Variants in ZNF66 observed in about 807,000 individuals in gnomAD.
ZNF66 encodes zinc finger protein 66.
In ZNF66, 32 loss-of-function variants were observed where a neutral mutation model predicts 35.2. The ratio of observed to expected loss-of-function variants is 0.91; its 90% confidence interval spans 0.69 to 1.22. The LOEUF is 1.22. Ranked by LOEUF, ZNF66 falls within the 50% of genes most tolerant of loss-of-function variation. The pLI is 0.00. For synonymous variants in ZNF66, 231 were observed against 181.3 expected, an observed-to-expected ratio of 1.27 and a Z score of -2.20; for missense variants, 666 against 543.1, an observed-to-expected ratio of 1.23 and a Z score of -2.25.
At chr19:20,779,813 A>G (rs1245823506) in intron 1 of ZNF66, among the ~76,000 whole-genome samples, 3 of 151,566 alleles carry the variant, frequency 2.0e-5, no homozygotes, top group Non-Finnish European at 4.4e-5. Flanking sequence ...CTGTAATCCC[A>G]TCTACTCGGG....
chr19:20,804,362 G>A (rs879435418), intron 3 of ZNF66, among the ~76,000 whole-genome samples: 1 of 151,996 alleles, frequency 6.6e-6, no homozygotes, highest in African/African-American at 2.4e-5. Flanking sequence ...TCTTGCCTCA[G>A]CCTCCTCAGT....
intron 3 of ZNF66, among the ~76,000 whole-genome samples, chr19:20,796,744 T>A (rs989109378): frequency 6.6e-6 from 1 of 152,246 alleles, no homozygotes; most frequent in Non-Finnish European, 1.5e-5. Flanking sequence ...TTTATAATTA[T>A]ACTGCATATT....
In ZNF66 at chr19:20,797,173, CA is replaced by C. The variant is rs539360705; in HGVS notation, c.226+3297del. On this transcript the variant is annotated intron_variant, in intron 3 of 3. Coordinates refer to ENST00000344519, the MANE Select transcript of ZNF66 (RefSeq NM_001355197.2). ...GCCTGACAATTTTTTAATAATGCATCAATGTTGCATGCTAGATTTTTTTTTT... is the reference window on the plus strand; with the variant it reads ...GCCTGACAATTTTTTAATAATGCATCATGTTGCATGCTAGATTTTTTTTTT... Among the ~76,000 whole-genome samples, 10 of 130,570 alleles carry C rather than the reference CA, an allele frequency of 7.7e-5. No homozygotes were observed. The South Asian group carries it at 2.7e-3, about 35-fold the overall frequency. The allele number at this position is 130,570 out of a possible 152,430, so 85.7% of individuals were successfully genotyped here. A position where few individuals can be genotyped will look rare whatever the true frequency, so the allele number is the denominator to read the frequency against.
intron 3 of ZNF66, among the ~76,000 whole-genome samples, chr19:20,803,463 G>A (rs1250049223): frequency 6.6e-6 from 1 of 151,562 alleles, no homozygotes; most frequent in African/African-American, 2.4e-5. Flanking sequence ...ATCAACTTCA[G>A]TTTCATACAA....
At chr19:20,801,305 A>G (rs1971445406) in intron 3 of ZNF66, among the ~76,000 whole-genome samples, 1 of 149,664 alleles carries the variant, frequency 6.7e-6, no homozygotes, top group Admixed American at 6.6e-5. Flanking sequence ...TCTTTTTTTA[A>G]TATTTTCATT....
chr19:20,793,146 T>G (rs1971354904), intron 2 of ZNF66, among the ~76,000 whole-genome samples: 1 of 151,806 alleles, frequency 6.6e-6, no homozygotes, highest in Non-Finnish European at 1.5e-5. Context: ...ATTTCTGAGG[T>G]GAGTTATATT....
chr19:20,790,785 C>T (rs1449134800), intron 1 of ZNF66, among the ~76,000 whole-genome samples: 6 of 147,698 alleles, frequency 4.1e-5, no homozygotes, highest in African/African-American at 1.0e-4. Flanking sequence ...AAACATGCCT[C>T]AGCTGAAAAG....
intron 1 of ZNF66, among the ~76,000 whole-genome samples, chr19:20,791,821 C>T (rs1293409897): frequency 6.6e-6 from 1 of 152,116 alleles, no homozygotes; most frequent in Non-Finnish European, 1.5e-5. Flanking sequence ...TTAAATAGGT[C>T]TCTGACAGAC....
intron 1 of ZNF66, among the ~76,000 whole-genome samples, chr19:20,786,597 A>T (rs1202895174): frequency 1.3e-5 from 2 of 152,208 alleles, no homozygotes; most frequent in African/African-American, 4.8e-5. Context: ...AAAAACTTTT[A>T]TCTGAAAAAT....
At chr19:20,796,721 T>C (rs379662) in intron 3 of ZNF66, among the ~76,000 whole-genome samples, 14,183 of 152,270 alleles carry the variant, frequency 0.093, 680 homozygotes, top group Middle Eastern at 0.11. Context: ...AAGTTTCTCA[T>C]TAGAATCTTC....
chr19:20,784,142 C>T (rs1241163322), intron 1 of ZNF66, among the ~76,000 whole-genome samples: 1 of 151,986 alleles, frequency 6.6e-6, no homozygotes, highest in Non-Finnish European at 1.5e-5. Context: ...AGGGGTGAGC[C>T]ATAAGCAGTA....
At chr19:20,787,546 G>C (rs183181768) in intron 1 of ZNF66, among the ~76,000 whole-genome samples, 1 of 152,148 alleles carries the variant, frequency 6.6e-6, no homozygotes, top group South Asian at 2.1e-4. Context: ...CATTTTCTGC[G>C]TTGTGAGATG....
In ZNF66 at chr19:20,806,656, C is replaced by T. The variant is rs1303017003; in HGVS notation, c.1056C>T (p.Tyr352=). ...KCEECGKGFK[Y]SSTLTKHKII... is the part of the protein sequence containing the mutation. ...AAGAATGTGGCAAAGGCTTTAAGTA[C>T]TCCTCTACCCTTACTAAACATAAAA... is the stretch of plus-strand genomic sequence containing the variant. The change falls in exon 4 of 4, where the codon TAC becomes TAT. Residue 352 remains tyrosine, a synonymous_variant. Transcript: ENST00000344519. 1.3e-6 allele frequency: 2 copies of T among 1,520,864 alleles called. No individual in the cohort carries two copies. Among genetic ancestry groups the T allele is most frequent in the Admixed American group, 1.7e-5 (1 of 59,754 alleles). The allele number at this position is 1,520,864 out of a possible 1,614,324, so 94.2% of individuals were successfully genotyped here. A position where few individuals can be genotyped will look rare whatever the true frequency, so the allele number is the denominator to read the frequency against.
In ZNF66 at chr19:20,809,093, G is replaced by C. The variant is rs1568503251; in HGVS notation, c.*1771G>C. On this transcript the variant is annotated 3_prime_UTR_variant, in exon 4 of 4. Transcript: ENST00000344519. ...GGAAGAAAGGGTATCAGTGATGGAA[G>C]ATGAAATGAATGAAATGAAGTGAGA... Among the ~76,000 whole-genome samples, 1 of 152,044 alleles carries C rather than the reference G, an allele frequency of 6.6e-6. No individual in the cohort carries two copies. Among genetic ancestry groups the C allele is most frequent in the Non-Finnish European group, 1.5e-5 (1 of 68,006 alleles).
At chr19:20,787,830 A>G (rs1466838771) in intron 1 of ZNF66, among the ~76,000 whole-genome samples, 1 of 152,194 alleles carries the variant, frequency 6.6e-6, no homozygotes, top group Non-Finnish European at 1.5e-5. Context: ...GCAAATCAGA[A>G]TGGGTGTTCC....
At chr19:20,793,030 G>A (rs1971353009) in intron 2 of ZNF66, among the ~76,000 whole-genome samples, 2 of 151,114 alleles carry the variant, frequency 1.3e-5, no homozygotes. Flanking sequence ...TCATGACATT[G>A]CACTGCAGCC....
At chr19:20,791,766 A>G (rs917320446) in intron 1 of ZNF66, among the ~76,000 whole-genome samples, 3 of 152,170 alleles carry the variant, frequency 2.0e-5, no homozygotes, top group Non-Finnish European at 2.9e-5. Flanking sequence ...TTAACACATC[A>G]TAAAAATTTG....
intron 3 of ZNF66, 107 bp downstream of exon 3, chr19:20,793,985 A>C (rs1971367781): frequency 1.7e-6 from 1 of 593,420 alleles, no homozygotes; most frequent in Admixed American, 3.4e-5. Flanking sequence ...TTCCAAAGGA[A>C]CTTCTGGGCA....
At chr19:20,796,122 GA>G (rs1253531665) in intron 3 of ZNF66, among the ~76,000 whole-genome samples, 13 of 152,044 alleles carry the variant, frequency 8.6e-5, no homozygotes, top group Non-Finnish European at 1.9e-4. Context: ...ATCCTGGCCT[GA>G]AGCAGTTCTC....
Sources: gnomAD v4.1 joint callset for allele counts (sites outside exome capture counted in the v4.1 genomes callset) on GRCh38, gnomAD v4.1.1 for gene constraint, MANE v1.5 for transcripts, NCBI Gene and HGNC (gene_info 2026-07-23, HGNC 2026-07-21) for gene names.